EEFSEC: variants seen among roughly 807,000 people sequenced by gnomAD.
The protein encoded by EEFSEC is selenocysteine-specific elongation factor.
EEFSEC carries 43 observed loss-of-function variants against 42.1 expected under a neutral mutation model. The ratio of observed to expected loss-of-function variants is 1.02; its 90% CI spans 0.80 to 1.32. The LOEUF is 1.32. EEFSEC is among the 40% of genes most tolerant of loss of function. EEFSEC has a pLI of 0.00. For missense variants in EEFSEC, 745 were observed against 803.6 expected (o/e 0.93, Z 0.88); for synonymous variants, 354 against 339.1 (o/e 1.04, Z -0.48).
At chr3:128,412,062 G>A (rs538886397), downstream of EEFSEC, among the ~76,000 whole-genome samples, 52 of 152,336 alleles carry the variant, frequency 3.4e-4, no homozygotes, top group South Asian at 6.2e-4. Context: ...AAGGAGGATC[G>A]AGTCCAGTGT....
At chr3:128,282,074 C>G (rs1339752801) in intron 4 of EEFSEC, among the ~76,000 whole-genome samples, 1 of 152,234 alleles carries the variant, frequency 6.6e-6, no homozygotes, top group African/African-American at 2.4e-5. Context: ...CCCACGTGCC[C>G]TTACAGTTAC....
chr3:128,357,967 G>A (rs2067476985), intron 5 of EEFSEC, among the ~76,000 whole-genome samples: 1 of 152,140 alleles, frequency 6.6e-6, no homozygotes, highest in Non-Finnish European at 1.5e-5. Flanking sequence ...TGTGGAAAGT[G>A]CTCACAGCAT....
chr3:128,349,314 A>G (rs1190247111), intron 5 of EEFSEC, among the ~76,000 whole-genome samples: 1 of 152,122 alleles, frequency 6.6e-6, no homozygotes, highest in Non-Finnish European at 1.5e-5. Context: ...GGGCCGGCCC[A>G]GGCAGCCTAG....
intron 6 of EEFSEC, among the ~76,000 whole-genome samples, chr3:128,384,166 G>A (rs900356812): frequency 2.0e-5 from 3 of 152,212 alleles, no homozygotes; most frequent in Non-Finnish European, 2.9e-5. Flanking sequence ...TCTTGGAGGA[G>A]GGTGGAGAGA....
intron 4 of EEFSEC, among the ~76,000 whole-genome samples, chr3:128,277,777 C>G (rs550509494): frequency 6.6e-6 from 1 of 152,302 alleles, no homozygotes; most frequent in Non-Finnish European, 1.5e-5. Context: ...TGGGGCCTTC[C>G]CAGGACAGGG....
intron 6 of EEFSEC, among the ~76,000 whole-genome samples, chr3:128,378,103 A>G (rs1166552660): frequency 6.6e-6 from 1 of 152,162 alleles, no homozygotes; most frequent in Non-Finnish European, 1.5e-5. Flanking sequence ...TACACTGGGG[A>G]CTAGAGTACC....
At chr3:128,269,581 G>A (rs1053705317) in intron 4 of EEFSEC, among the ~76,000 whole-genome samples, 3 of 152,214 alleles carry the variant, frequency 2.0e-5, no homozygotes, top group African/African-American at 7.2e-5. Flanking sequence ...CTTGGAGGCA[G>A]GGCACAGCCA....
At chr3:128,269,909 A>G (rs2066396542) in intron 4 of EEFSEC, among the ~76,000 whole-genome samples, 1 of 152,218 alleles carries the variant, frequency 6.6e-6, no homozygotes, top group Non-Finnish European at 1.5e-5. Flanking sequence ...ATGATTGGCT[A>G]TCAGGGTTGT....
the EEFSEC span, among the ~76,000 whole-genome samples, chr3:128,421,648 G>A: frequency 6.6e-6 from 1 of 152,218 alleles, no homozygotes; most frequent in African/African-American, 2.4e-5. Flanking sequence ...CCGGTGCACA[G>A]AGGGAGGAGG....
At chr3:128,398,403 G>C (rs2068008927) in intron 6 of EEFSEC, among the ~76,000 whole-genome samples, 1 of 152,202 alleles carries the variant, frequency 6.6e-6, no homozygotes, top group Admixed American at 6.5e-5. Flanking sequence ...AGGATGTGCA[G>C]GGCTGTAGGG....
intron 5 of EEFSEC, among the ~76,000 whole-genome samples, chr3:128,351,431 C>T (rs935960169): frequency 7.2e-5 from 11 of 152,222 alleles, no homozygotes; most frequent in Non-Finnish European, 1.6e-4. Context: ...AGAAGTCCCT[C>T]GCTCAAGGTC....
At chr3:128,368,659 C>G (rs1056409913) in intron 6 of EEFSEC, among the ~76,000 whole-genome samples, 2 of 152,216 alleles carry the variant, frequency 1.3e-5, no homozygotes, top group Admixed American at 6.5e-5. Context: ...TTCTGAAGGG[C>G]CTGGGTCAGC....
chr3:128,333,496 G>A (rs2067156147), intron 4 of EEFSEC, among the ~76,000 whole-genome samples: 1 of 152,226 alleles, frequency 6.6e-6, no homozygotes, highest in African/African-American at 2.4e-5. Context: ...CAGATTGCAT[G>A]CTTTGAATAA....
chr3:128,306,269 A>T (rs868687183), intron 4 of EEFSEC, among the ~76,000 whole-genome samples: 1 of 152,208 alleles, frequency 6.6e-6, no homozygotes, highest in African/African-American at 2.4e-5. Flanking sequence ...CCACCTTATA[A>T]TATAGGTCTT....
intron 4 of EEFSEC, among the ~76,000 whole-genome samples, chr3:128,283,255 G>T (rs1400376441): frequency 6.6e-6 from 1 of 151,572 alleles, no homozygotes; most frequent in Non-Finnish European, 1.5e-5. Flanking sequence ...TACTGATTCA[G>T]CTCCAGGTCT....
At chr3:128,226,618 T>A (rs2065910230) in intron 1 of EEFSEC, among the ~76,000 whole-genome samples, 1 of 152,138 alleles carries the variant, frequency 6.6e-6, no homozygotes. Context: ...TAAATTCCCC[T>A]CTTCTATGCT....
Position 128,389,207 on chromosome 3 carries a change from G to A in EEFSEC, c.1601-18862G>A, listed in dbSNP as rs2067878741. 2.0e-5 allele frequency among the ~76,000 whole-genome samples: 3 copies of A among 152,346 alleles called. No homozygotes were observed. The South Asian group carries it at 6.2e-4, about 32-fold the overall frequency. ...TAAGGAGGGAGCGCAGACATCTGGAGCAGCAAGGGTGCTGACACTCACCCG... is the reference window on the plus strand; with the variant it reads ...TAAGGAGGGAGCGCAGACATCTGGAACAGCAAGGGTGCTGACACTCACCCG... On this transcript the variant is annotated intron_variant, in intron 6 of 6. Transcript: ENST00000254730.
chr3:128,230,922 C>A (rs1381331593), intron 1 of EEFSEC, among the ~76,000 whole-genome samples: 1 of 152,116 alleles, frequency 6.6e-6, no homozygotes, highest in African/African-American at 2.4e-5. Flanking sequence ...ACTGGGTGCT[C>A]TCCAAGAGAA....
intron 6 of EEFSEC, among the ~76,000 whole-genome samples, chr3:128,373,420 T>C (rs1409729749): frequency 3.9e-5 from 6 of 152,190 alleles, no homozygotes; most frequent in Non-Finnish European, 7.3e-5. Context: ...CAGGTAACCA[T>C]TGGATTGCTC....
Sources: allele counts gnomAD v4.1 joint callset (sites outside exome capture counted in the v4.1 genomes callset), GRCh38; gene constraint gnomAD v4.1.1; transcripts MANE v1.5; gene names NCBI Gene and HGNC (gene_info 2026-07-23, HGNC 2026-07-21).